SUV39H2: variants seen among roughly 807,000 people sequenced by gnomAD.
SUV39H2 encodes the protein SUV39H2 histone lysine methyltransferase, also known as histone-lysine N-methyltransferase SUV39H2.
In SUV39H2, 10 loss-of-function variants were observed where a neutral mutation model predicts 47.5. That is an observed-to-expected ratio of 0.21 (90% CI 0.13 to 0.36). The LOEUF (loss-of-function observed/expected upper bound fraction) is 0.36. Ranked by LOEUF, SUV39H2 falls within the 10% of genes least tolerant of loss-of-function variation. The pLI is 1.00. For synonymous variants in SUV39H2, 159 were observed against 166.8 expected, an observed-to-expected ratio of 0.95 and a Z score of 0.36; for missense variants, 266 against 487.4, an observed-to-expected ratio of 0.55 and a Z score of 4.28.
At chr10:14,886,567 C>T (rs1040138921) in intron 2 of SUV39H2, among the ~76,000 whole-genome samples, 2 of 152,222 alleles carry the variant, frequency 1.3e-5, no homozygotes, top group African/African-American at 4.8e-5. Context: ...CTAGGGCCTA[C>T]ATTCACTATT....
Position 14,897,362 on chromosome 10 carries a change from A to G in SUV39H2, c.694A>G (p.Arg232Gly), listed in dbSNP as rs1833662813. ...PGTPIYECNS[R>G]CQCGPDCPNR... ...TACTCCCATCTATGAATGCAACTCA[A>G]GGTGTCAGTGTGGTCCTGATTGTCC... The change falls in exon 3 of 6, where the codon AGG becomes GGG. Residue 232 changes from arginine (R) to glycine (G), a missense_variant. Around this residue, in one of 4 missense-constraint regions of SUV39H2, gnomAD observed 112 missense variants for 271.9 expected, o/e 0.41. Coordinates refer to ENST00000354919, the MANE Select transcript of SUV39H2 (RefSeq NM_001193424.2). 2 of 1,613,112 alleles carry G rather than the reference A, an allele frequency of 1.2e-6. No homozygotes were observed. Among genetic ancestry groups the G allele is most frequent in the Non-Finnish European group, 1.7e-6 (2 of 1,179,890 alleles).
At chr10:14,890,437 A>T (rs1015009754) in intron 2 of SUV39H2, among the ~76,000 whole-genome samples, 1 of 152,168 alleles carries the variant, frequency 6.6e-6, no homozygotes, top group Admixed American at 6.5e-5. Context: ...CTGTTGCCCA[A>T]GCTGGAGTGC....
chr10:14,892,479 C>T (rs1419308036), intron 2 of SUV39H2, among the ~76,000 whole-genome samples: 1 of 152,140 alleles, frequency 6.6e-6, no homozygotes, highest in East Asian at 1.9e-4. Flanking sequence ...ATACTTCATG[C>T]AAATCTTAGC....
At chr10:14,886,940 T>A (rs1263755176) in intron 2 of SUV39H2, among the ~76,000 whole-genome samples, 3 of 152,208 alleles carry the variant, frequency 2.0e-5, no homozygotes, top group Admixed American at 6.5e-5. Context: ...GACTAGGGCT[T>A]CTGTCTGGAG....
At chr10:14,900,139 GTATT>G (rs1411318478) in intron 4 of SUV39H2, among the ~76,000 whole-genome samples, 2 of 152,112 alleles carry the variant, frequency 1.3e-5, no homozygotes, top group African/African-American at 4.8e-5. Flanking sequence ...GATTTGTAGA[GTATT>G]TATGTAGGGC....
At position 14,902,636 on chromosome 10, in the gene SUV39H2, C is replaced by G; in HGVS notation, c.*124C>G. On this transcript the variant is annotated 3_prime_UTR_variant, in exon 6 of 6. Transcript: ENST00000354919. The stretch of plus-strand genomic sequence containing the variant: ...CTATGTTAATTTACAATTCATGTTT[C>G]AAGACATTTGCCAAATGTATTACCG... 1 of 665,272 alleles carries G rather than the reference C, an allele frequency of 1.5e-6. No individual in the cohort carries two copies. The highest frequency in any genetic ancestry group is 2.4e-6 in the Non-Finnish European group (1 of 413,380). 41.2% of individuals were successfully genotyped at this position (665,272 alleles called of 1,614,324 possible).
At chr10:14,879,532 C>T (rs576617857) in intron 1 of SUV39H2, among the ~76,000 whole-genome samples, 3 of 152,240 alleles carry the variant, frequency 2.0e-5, no homozygotes, top group African/African-American at 4.8e-5. Flanking sequence ...CTCTGGCTTA[C>T]GGTAACTCTT....
At chr10:14,881,449 T>C (rs992728040) in intron 1 of SUV39H2, 51 bp from the exon 2 acceptor site, 3 of 1,337,964 alleles carry the variant, frequency 2.2e-6, no homozygotes, top group African/African-American at 1.5e-5. Flanking sequence ...TCTTTTTTGT[T>C]TTAATTGAAT....
At chr10:14,895,717 T>C (rs1202441976) in intron 2 of SUV39H2, among the ~76,000 whole-genome samples, 1 of 152,090 alleles carries the variant, frequency 6.6e-6, no homozygotes, top group Non-Finnish European at 1.5e-5. Flanking sequence ...AGCTGTCCAA[T>C]AGAAATGTAA....
At chr10:14,901,405 A>G (rs1295395849) in intron 5 of SUV39H2, 143 bp downstream of exon 5, 6 of 1,082,984 alleles carry the variant, frequency 5.5e-6, no homozygotes, top group Admixed American at 4.9e-5. Flanking sequence ...CCTAAGGTAC[A>G]AAGCTAATCC....
chr10:14,895,282 T>G (rs1320502392), intron 2 of SUV39H2, among the ~76,000 whole-genome samples: 1 of 152,056 alleles, frequency 6.6e-6, no homozygotes, highest in African/African-American at 2.4e-5. Context: ...GTTCAGGCGA[T>G]TCTCCTGCCT....
intron 1 of SUV39H2, among the ~76,000 whole-genome samples, chr10:14,879,494 C>G (rs556918052): frequency 6.6e-6 from 1 of 152,210 alleles, no homozygotes; most frequent in African/African-American, 2.4e-5. Flanking sequence ...GGAGAATCGC[C>G]CAGAAAGTGG....
rs952085913 is a variant in SUV39H2, at chr10:14,899,099, C to A, written c.850-440C>A. 5 of 628,852 alleles carry A rather than the reference C, an allele frequency of 8.0e-6. No individual in the cohort carries two copies. The Admixed American group carries it at 1.2e-4, about 15-fold the overall frequency. The allele number at this position is 628,852 out of a possible 1,614,324, so 39.0% of individuals were successfully genotyped here. On this transcript the variant is annotated intron_variant, in intron 3 of 5. Coordinates refer to ENST00000354919, the MANE Select transcript of SUV39H2 (RefSeq NM_001193424.2). ...CTTGGGGAGGTCAAGGCTGGAGGCT[C>A]ACTTGAGCCCAGGAGTTCCAGACCA...
intron 2 of SUV39H2, among the ~76,000 whole-genome samples, chr10:14,888,602 C>T (rs1001919667): frequency 6.6e-5 from 10 of 151,484 alleles, no homozygotes; most frequent in Admixed American, 6.6e-4. Flanking sequence ...CACTACTGCA[C>T]TCCAACCTGG....
intron 2 of SUV39H2, among the ~76,000 whole-genome samples, chr10:14,883,042 AT>A (rs1441455558): frequency 2.0e-5 from 3 of 151,318 alleles, no homozygotes; most frequent in African/African-American, 4.9e-5. Context: ...TAATTTTTGT[AT>A]TTTTTAGTAG....
Position 14,894,383 on chromosome 10 carries a change from T to TC in SUV39H2, c.178-2463_178-2462insC, listed in dbSNP as rs1281161323. On this transcript the variant is annotated intron_variant, in intron 2 of 5. Coordinates refer to ENST00000354919, the MANE Select transcript of SUV39H2 (RefSeq NM_001193424.2). ...TTTTTTTTTTTTTTTTTTTTTTTTTTTTGAGACGGAGTCTCGCTCTGTCGC... is the reference window on the plus strand; with the variant it reads ...TTTTTTTTTTTTTTTTTTTTTTTTTTCTTGAGACGGAGTCTCGCTCTGTCGC... 2.1e-5 allele frequency among the ~76,000 whole-genome samples: 2 copies of TC among 97,444 alleles called. 1 individual carries two copies. Among genetic ancestry groups the TC allele is most frequent in the Non-Finnish European group, 3.8e-5 (2 of 52,908 alleles). 63.9% of individuals were successfully genotyped at this position (97,444 alleles called of 152,430 possible). A position where few individuals can be genotyped will look rare whatever the true frequency, so the allele number is the denominator to read the frequency against.
rs1833662632 is a variant in SUV39H2, at chr10:14,897,360, C to T, written c.692C>T (p.Ser231Leu). Residue 231 changes from serine (S) to leucine (L), a missense_variant, in exon 3 of 6, where the codon TCA becomes TTA. Ser to Leu is a moderately radical substitution (Grantham distance 145, BLOSUM62 -2). Coordinates refer to ENST00000354919, the MANE Select transcript of SUV39H2 (RefSeq NM_001193424.2). ...GGTACTCCCATCTATGAATGCAACTCAAGGTGTCAGTGTGGTCCTGATTGT... is the reference window on the plus strand; with the variant it reads ...GGTACTCCCATCTATGAATGCAACTTAAGGTGTCAGTGTGGTCCTGATTGT... ...PPGTPIYECN[S>L]RCQCGPDCPN... 6.2e-7 allele frequency: 1 copy of T among 1,612,926 alleles called. No individual in the cohort carries two copies. The highest frequency in any genetic ancestry group is 1.3e-5 in the African/African-American group (1 of 74,928).
intron 2 of SUV39H2, among the ~76,000 whole-genome samples, chr10:14,883,423 A>T (rs1833102455): frequency 6.6e-6 from 1 of 151,820 alleles, no homozygotes; most frequent in Non-Finnish European, 1.5e-5. Context: ...AGATTTTGTA[A>T]ACCGGGCACG....
At chr10:14,880,917 AAT>A (rs1466365675) in intron 1 of SUV39H2, among the ~76,000 whole-genome samples, 2 of 152,224 alleles carry the variant, frequency 1.3e-5, no homozygotes, top group African/African-American at 4.8e-5. Context: ...TGGGTAGAAT[AAT>A]AAGTGGAATT....
Sources: gnomAD v4.1 joint callset for allele counts (sites outside exome capture counted in the v4.1 genomes callset) on GRCh38, gnomAD v4.1.1 for gene constraint, gnomAD v4.1.1 regional missense constraint, MANE v1.5 for transcripts, NCBI Gene and HGNC (gene_info 2026-07-23, HGNC 2026-07-21) for gene names.